Variants in ALMS1 observed in about 807,000 individuals in gnomAD.
ALMS1 encodes the protein centrosome-associated protein ALMS1.
A neutral mutation model predicts 352.2 loss-of-function variants in ALMS1; 271 were observed. The observed-to-expected ratio is 0.77, with a 90% CI of 0.70 to 0.85. The LOEUF is 0.85. Among genes scored for constraint, ALMS1 ranks in the 40% least tolerant of loss-of-function variants. The probability of loss-of-function intolerance (pLI) is 0.00; values close to 1 mark genes in which losing one functional copy is unlikely to be tolerated. For synonymous variants in ALMS1, 1,865 were observed against 1,761.2 expected (o/e 1.06, Z -1.48); for missense variants, 5,445 against 4,870.7 (o/e 1.12, Z -3.51).
intron 15 of ALMS1, among the ~76,000 whole-genome samples, chr2:73,560,133 A>G (rs188794553): frequency 1.3e-5 from 2 of 152,350 alleles, no homozygotes; most frequent in African/African-American, 2.4e-5. Flanking sequence ...CATGGATCTG[A>G]TAAGGGATTA....
At chr2:73,447,416 A>G (rs967995759) in intron 7 of ALMS1, among the ~76,000 whole-genome samples, 5 of 152,146 alleles carry the variant, frequency 3.3e-5, no homozygotes, top group Non-Finnish European at 5.9e-5. Flanking sequence ...TATATATTAT[A>G]CAGGGTGCAT....
intron 15 of ALMS1, among the ~76,000 whole-genome samples, chr2:73,570,171 A>G (rs1674894791): frequency 6.6e-6 from 1 of 152,198 alleles, no homozygotes; most frequent in East Asian, 1.9e-4. Flanking sequence ...ATTCACAGAG[A>G]TGTGGAAGAC....
chr2:73,564,180 G>A (rs879272770), intron 15 of ALMS1, among the ~76,000 whole-genome samples: 3 of 151,798 alleles, frequency 2.0e-5, no homozygotes, highest in Admixed American at 6.6e-5. Context: ...TTTAAAATAT[G>A]TAAGGCTGGG....
At chr2:73,484,867 C>T (rs895874610) in intron 9 of ALMS1, among the ~76,000 whole-genome samples, 13 of 152,196 alleles carry the variant, frequency 8.5e-5, no homozygotes, top group African/African-American at 2.4e-4. Context: ...TTGATGGCAT[C>T]GGCTCTTGAG....
intron 16 of ALMS1, among the ~76,000 whole-genome samples, chr2:73,577,554 A>G (rs1452340967): frequency 6.6e-6 from 1 of 151,982 alleles, no homozygotes; most frequent in East Asian, 1.9e-4. Flanking sequence ...GTAGCTATAA[A>G]TGTCTCTTTA....
intron 6 of ALMS1, among the ~76,000 whole-genome samples, chr2:73,427,400 T>G (rs1671402646): frequency 6.6e-6 from 1 of 152,098 alleles, no homozygotes; most frequent in South Asian, 2.1e-4. Flanking sequence ...TATATACATG[T>G]CTCTTCCCTC....
chr2:73,458,410 A>AATGCCTGATATGCGCC (rs1672118344), intron 9 of ALMS1: 1 of 152,180 alleles, frequency 6.6e-6, no homozygotes, highest in Non-Finnish European at 1.5e-5. Context: ...ATACATATTG[A>AATGCCTGATATGCGCC]ATGCCTGATA....
intron 15 of ALMS1, among the ~76,000 whole-genome samples, chr2:73,560,236 G>A (rs915083493): frequency 6.6e-6 from 1 of 152,078 alleles, no homozygotes; most frequent in Non-Finnish European, 1.5e-5. Flanking sequence ...TTTAAAATGA[G>A]CAAAGGACTT....
Position 73,394,772 on chromosome 2 carries a change from G to A in ALMS1, c.324+8580G>A, listed in dbSNP as rs1018417399. On this transcript the variant is annotated intron_variant, in intron 1 of 22. Transcript: ENST00000613296. ...CATTGTTGTGCAAACATCATATAGTGTACGTACACAAACCTAGATGGCATA... is the reference window on the plus strand; with the variant it reads ...CATTGTTGTGCAAACATCATATAGTATACGTACACAAACCTAGATGGCATA... 2.0e-5 allele frequency among the ~76,000 whole-genome samples: 3 copies of A among 152,126 alleles called. No homozygotes were observed. The East Asian group carries it at 5.8e-4, about 29-fold the overall frequency.
chr2:73,389,222 C>A (rs572908313), intron 1 of ALMS1, among the ~76,000 whole-genome samples: 3 of 152,196 alleles, frequency 2.0e-5, no homozygotes, highest in Admixed American at 6.5e-5. Context: ...TGTTTTTTGG[C>A]CGCTCGTATG....
intron 12 of ALMS1, 108 bp from the exon 13 acceptor site, chr2:73,550,159 C>A: frequency 8.4e-7 from 1 of 1,188,004 alleles, no homozygotes; most frequent in Non-Finnish European, 1.2e-6. Context: ...CGTGCCTGGC[C>A]TGTAGTGCTT....
rs1672000717 is a variant in ALMS1 at position 73,453,764 on chromosome 2, A to G, written c.7237A>G (p.Ser2413Gly). 1 of 1,614,064 alleles carries G rather than the reference A, an allele frequency of 6.2e-7. No individual in the cohort carries two copies. The highest frequency in any genetic ancestry group is 1.3e-5 in the African/African-American group (1 of 74,946). ...TATCCCTATGATGACTGTCATAAAA[A>G]GTGATTCAAGTAGTGATGCCAGTGA... The part of the protein sequence containing the change: ...IIIPMMTVIK[S>G]DSSSDASDGN... Residue 2413 changes from serine to glycine, a missense_variant, in exon 8 of 23, where the codon AGT (serine) becomes GGT (glycine). Ser to Gly is a moderately conservative substitution (Grantham distance 56). Transcript: ENST00000613296.
chr2:73,563,770 T>C (rs991207855), intron 15 of ALMS1, among the ~76,000 whole-genome samples: 5 of 144,910 alleles, frequency 3.5e-5, no homozygotes, highest in South Asian at 2.2e-4. Context: ...TATGGAATTA[T>C]ATGAAAACAA....
intron 10 of ALMS1, among the ~76,000 whole-genome samples, chr2:73,493,707 C>T (rs935717002): frequency 1.3e-5 from 2 of 151,362 alleles, no homozygotes; most frequent in African/African-American, 2.4e-5. Context: ...GGCAACAAAG[C>T]GAGACTCTGC....
At chr2:73,398,865 A>G (rs1289713339) in intron 1 of ALMS1, among the ~76,000 whole-genome samples, 1 of 151,656 alleles carries the variant, frequency 6.6e-6, no homozygotes, top group African/African-American at 2.4e-5. Context: ...TTTTTTTGAG[A>G]TGGAGTCTGG....
At chr2:73,537,505 T>C (rs1674055667) in intron 12 of ALMS1, among the ~76,000 whole-genome samples, 1 of 152,136 alleles carries the variant, frequency 6.6e-6, no homozygotes, top group Admixed American at 6.5e-5. Flanking sequence ...GGCCGGGAGA[T>C]TTATTGGTTC....
chr2:73,469,406 C>A (rs902427620), intron 9 of ALMS1: 3 of 151,758 alleles, frequency 2.0e-5, no homozygotes, highest in African/African-American at 4.8e-5. Flanking sequence ...GAAGGAAAAA[C>A]ATACAATGTG....
intron 9 of ALMS1, among the ~76,000 whole-genome samples, chr2:73,487,569 C>T (rs1672878846): frequency 6.6e-6 from 1 of 152,148 alleles, no homozygotes; most frequent in Non-Finnish European, 1.5e-5. Flanking sequence ...CTTGTCTCTT[C>T]TTCTTGTTCC....
In ALMS1 at chr2:73,452,719, T is replaced by A. The variant is rs1357962379; in HGVS notation, c.6192T>A (p.Asp2064Glu). ...TTTTATTTCAACAGCAGTTGCCAGA[T>A]AGAGATCAAAGTAAAGGTATTCTAA... ...PNILFQQQLP[D>E]RDQSKGILKI... The change falls in exon 8 of 23, where the codon GAT becomes GAA. Residue 2064 changes from aspartate (D) to glutamate (E), a missense_variant. Coordinates refer to ENST00000613296, the MANE Select transcript of ALMS1 (RefSeq NM_001378454.1). 2 of 1,613,548 alleles carry A rather than the reference T, an allele frequency of 1.2e-6. No homozygotes were observed. The highest frequency in any genetic ancestry group is 1.7e-5 in the Admixed American group (1 of 59,980).
Sources: allele counts gnomAD v4.1 joint callset (sites outside exome capture counted in the v4.1 genomes callset), GRCh38; gene constraint gnomAD v4.1.1; transcripts MANE v1.5; gene names NCBI Gene and HGNC (gene_info 2026-07-23, HGNC 2026-07-21).